Variants in RSRC1 observed in about 807,000 individuals in gnomAD.
RSRC1 encodes the protein arginine and serine rich coiled-coil 1.
In RSRC1, 39 loss-of-function variants were observed where a neutral mutation model predicts 49.1. The observed-to-expected ratio is 0.79, with a 90% CI of 0.61 to 1.04. RSRC1 has a LOEUF of 1.04. Among genes scored for constraint, RSRC1 ranks in the 50% least tolerant of loss-of-function variants. The probability of loss-of-function intolerance (pLI) is 0.00; values close to 1 mark genes in which losing one functional copy is unlikely to be tolerated. For synonymous variants in RSRC1, 143 were observed against 130.8 expected (o/e 1.09, Z -0.63); for missense variants, 388 against 402.4 (o/e 0.96, Z 0.31).
chr3:158,229,986 T>G (rs1439747037), intron 4 of RSRC1, among the ~76,000 whole-genome samples: 2 of 152,086 alleles, frequency 1.3e-5, no homozygotes, highest in East Asian at 3.9e-4. Flanking sequence ...AATGTCATAT[T>G]CCTATTGATG....
intron 4 of RSRC1, among the ~76,000 whole-genome samples, chr3:158,261,061 G>T (rs997017068): frequency 6.6e-6 from 1 of 152,208 alleles, no homozygotes; most frequent in Non-Finnish European, 1.5e-5. Flanking sequence ...GCTTTTCAAA[G>T]ATGCATTTTT....
intron 3 of RSRC1, among the ~76,000 whole-genome samples, chr3:158,139,320 C>T (rs893134336): frequency 6.6e-6 from 1 of 151,974 alleles, no homozygotes; most frequent in Non-Finnish European, 1.5e-5. Flanking sequence ...GCAGGAGAAT[C>T]ACTTGAACCT....
At chr3:158,444,916 C>A (rs1458461238) in intron 6 of RSRC1, among the ~76,000 whole-genome samples, 1 of 152,170 alleles carries the variant, frequency 6.6e-6, no homozygotes, top group Non-Finnish European at 1.5e-5. Context: ...CTCATCATCA[C>A]TGGCCATCAG....
chr3:158,234,743 A>G (rs1723148192), intron 4 of RSRC1, among the ~76,000 whole-genome samples: 1 of 152,134 alleles, frequency 6.6e-6, no homozygotes, highest in African/African-American at 2.4e-5. Context: ...TTCGAACTGA[A>G]ATAATCATGG....
chr3:158,163,077 C>T (rs1380314015), intron 3 of RSRC1, among the ~76,000 whole-genome samples: 3 of 152,170 alleles, frequency 2.0e-5, no homozygotes, highest in African/African-American at 7.2e-5. Context: ...GATCTCAGGT[C>T]ACTGTAACCT....
chr3:158,494,050 A>G (rs2108450476), intron 7 of RSRC1, among the ~76,000 whole-genome samples: 1 of 152,360 alleles, frequency 6.6e-6, no homozygotes, highest in East Asian at 1.9e-4. Flanking sequence ...CAATGAAATT[A>G]TTGAAATTAT....
At chr3:158,344,141 C>T (rs1316924972) in intron 5 of RSRC1, among the ~76,000 whole-genome samples, 1 of 152,122 alleles carries the variant, frequency 6.6e-6, no homozygotes, top group African/African-American at 2.4e-5. Flanking sequence ...CGCCTGTAAT[C>T]CTAGCTACTT....
chr3:158,270,250 G>T (rs962523014), intron 4 of RSRC1, among the ~76,000 whole-genome samples: 3 of 152,134 alleles, frequency 2.0e-5, no homozygotes, highest in East Asian at 1.9e-4. Flanking sequence ...TAACCCCAGG[G>T]ATCTAATAAG....
intron 7 of RSRC1, among the ~76,000 whole-genome samples, chr3:158,482,003 A>G (rs1049294447): frequency 2.0e-5 from 3 of 152,048 alleles, no homozygotes; most frequent in African/African-American, 7.2e-5. Flanking sequence ...AACTCAGAGT[A>G]AAGAGTTCAT....
At chr3:158,248,165 C>A (rs1247051082) in intron 4 of RSRC1, among the ~76,000 whole-genome samples, 2 of 152,152 alleles carry the variant, frequency 1.3e-5, no homozygotes, top group African/African-American at 4.8e-5. Flanking sequence ...TTGCCCTATA[C>A]CCCAGCTTCA....
rs1365664838 is a variant in RSRC1, at chr3:158,543,451, C to T, written c.876C>T (p.Ile292=). The change falls in exon 9 of 10, where the codon ATC becomes ATT. Residue 292 remains isoleucine, a synonymous_variant. Coordinates refer to ENST00000611884, the MANE Select transcript of RSRC1 (RefSeq NM_001271838.2). ...ATCCTACCAGCATCCCTACTGCTATCAAGTACCAAGATGACAATTCCCTGG... is the reference window on the plus strand; with the variant it reads ...ATCCTACCAGCATCCCTACTGCTATTAAGTACCAAGATGACAATTCCCTGG... ...EIDPTSIPTA[I]KYQDDNSLAH... The T allele has an allele frequency of 6.2e-7, 1 of 1,610,724 alleles. No individual in the cohort carries two copies. The highest frequency in any genetic ancestry group is 2.2e-5 in the East Asian group (1 of 44,626).
chr3:158,349,063 A>G (rs1730719405), intron 5 of RSRC1, among the ~76,000 whole-genome samples: 2 of 148,792 alleles, frequency 1.3e-5, no homozygotes, highest in South Asian at 4.2e-4. Flanking sequence ...TGTCTTTTTT[A>G]TAGAATGATC....
At chr3:158,210,050 A>G (rs924450798) in intron 4 of RSRC1, among the ~76,000 whole-genome samples, 4 of 152,126 alleles carry the variant, frequency 2.6e-5, no homozygotes, top group Admixed American at 1.3e-4. Context: ...GGAAAGCTGG[A>G]CTCTGAGTTT....
At chr3:158,339,020 C>T (rs373673999) in intron 5 of RSRC1, among the ~76,000 whole-genome samples, 7 of 152,182 alleles carry the variant, frequency 4.6e-5, no homozygotes, top group Admixed American at 1.3e-4. Context: ...GGGCCGGGCG[C>T]GGTGGCTCAC....
intron 6 of RSRC1, among the ~76,000 whole-genome samples, chr3:158,423,932 G>C (rs371355541): frequency 6.6e-6 from 1 of 150,946 alleles, no homozygotes; most frequent in Non-Finnish European, 1.5e-5. Context: ...TGTATCCTGA[G>C]ACTTTGCTGA....
At chr3:158,240,064 C>T (rs1050072738) in intron 4 of RSRC1, among the ~76,000 whole-genome samples, 4 of 152,140 alleles carry the variant, frequency 2.6e-5, no homozygotes, top group African/African-American at 4.8e-5. Flanking sequence ...CATCCATAGG[C>T]ATACTATAGT....
chr3:158,325,372 T>G (rs1276532858), intron 5 of RSRC1, among the ~76,000 whole-genome samples: 4 of 152,244 alleles, frequency 2.6e-5, no homozygotes, highest in Non-Finnish European at 4.4e-5. Flanking sequence ...GTCTAAGATT[T>G]AAGTCTTTAA....
intron 7 of RSRC1, among the ~76,000 whole-genome samples, chr3:158,478,404 A>G (rs1738474608): frequency 6.6e-6 from 1 of 152,040 alleles, no homozygotes; most frequent in Non-Finnish European, 1.5e-5. Flanking sequence ...AGAGAGTAAA[A>G]CAAGCCTAAT....
chr3:158,146,722 A>G (rs1186974564), intron 3 of RSRC1, among the ~76,000 whole-genome samples: 2 of 151,998 alleles, frequency 1.3e-5, no homozygotes, highest in Non-Finnish European at 1.5e-5. Context: ...TCCTCCTTGT[A>G]CCTCTGGTAG....
Sources: allele counts gnomAD v4.1 joint callset (sites outside exome capture counted in the v4.1 genomes callset), GRCh38; gene constraint gnomAD v4.1.1; transcripts MANE v1.5; gene names NCBI Gene and HGNC (gene_info 2026-07-23, HGNC 2026-07-21).